The following DOCK4 variants were observed in gnomAD, a reference collection of about 807,000 sequenced individuals.
The protein encoded by DOCK4 is dedicator of cytokinesis 4, also known as dedicator of cytokinesis protein 4.
A neutral mutation model predicts 268.1 loss-of-function variants in DOCK4; 97 were observed. The ratio of observed to expected loss-of-function variants is 0.36; its 90% CI spans 0.31 to 0.43. DOCK4 has a LOEUF of 0.43. Among genes scored for constraint, DOCK4 ranks in the 20% least tolerant of loss-of-function variants. The pLI is 1.00. For missense variants in DOCK4, 2,145 were observed against 2,455.7 expected (o/e 0.87, Z 2.67); for synonymous variants, 954 against 887.2 (o/e 1.08, Z -1.34).
chr7:111,816,333 C>G (rs1390530008), intron 27 of DOCK4, among the ~76,000 whole-genome samples: 1 of 152,180 alleles, frequency 6.6e-6, no homozygotes, highest in Admixed American at 6.5e-5. Context: ...TAGAGTCCAG[C>G]AATTTCCCTA....
chr7:111,856,082 C>G (rs1804986188), intron 23 of DOCK4, among the ~76,000 whole-genome samples: 1 of 152,180 alleles, frequency 6.6e-6, no homozygotes, highest in Non-Finnish European at 1.5e-5. Context: ...TTCCCACTAC[C>G]TTGCAAGCCA....
intron 1 of DOCK4, among the ~76,000 whole-genome samples, chr7:112,168,329 C>T (rs762991431): frequency 8.5e-5 from 13 of 152,158 alleles, no homozygotes; most frequent in Non-Finnish European, 1.6e-4. Context: ...TGTGCTTTCA[C>T]CTGGACATGC....
intron 1 of DOCK4, among the ~76,000 whole-genome samples, chr7:112,077,358 T>C (rs1403409415): frequency 2.6e-5 from 4 of 152,162 alleles, no homozygotes; most frequent in East Asian, 1.9e-4. Flanking sequence ...TTAACTACTA[T>C]GGGAAAGACA....
intron 1 of DOCK4, among the ~76,000 whole-genome samples, chr7:112,005,895 A>T (rs1800820295): frequency 6.6e-6 from 1 of 152,174 alleles, no homozygotes; most frequent in Non-Finnish European, 1.5e-5. Context: ...AGCCCCTGCA[A>T]TCCAGCCTTT....
intron 1 of DOCK4, among the ~76,000 whole-genome samples, chr7:112,114,266 C>A (rs1225741371): frequency 6.6e-6 from 1 of 152,070 alleles, no homozygotes; most frequent in East Asian, 1.9e-4. Context: ...TACAGATCAT[C>A]CAAATGTTGA....
chr7:111,883,105 A>G (rs1807549952), intron 16 of DOCK4, among the ~76,000 whole-genome samples: 1 of 152,208 alleles, frequency 6.6e-6, no homozygotes, highest in Non-Finnish European at 1.5e-5. Context: ...TAATTCATAT[A>G]GACAGAAGAA....
In DOCK4 at chr7:111,809,005, A is replaced by T. The variant is rs549262276; in HGVS notation, c.3108-126T>A. 61 of 1,041,454 alleles carry T rather than the reference A, an allele frequency of 5.9e-5. 1 individual carries two copies. The South Asian group carries it at 8.2e-4, about 14-fold the overall frequency. 64.5% of individuals were successfully genotyped at this position (1,041,454 alleles called of 1,614,324 possible). On this transcript the variant is annotated intron_variant, in intron 29 of 52. Coordinates refer to ENST00000428084, the MANE Select transcript of DOCK4 (RefSeq NM_001363540.2). ...AGGAGTTTTTAATTAAAGACATTTA[A>T]TATACATGTCACGATGCCTCTAAGT... is the stretch of plus-strand genomic sequence containing the variant.
chr7:111,870,948 C>T (rs931140697), intron 20 of DOCK4, among the ~76,000 whole-genome samples: 5 of 152,140 alleles, frequency 3.3e-5, no homozygotes, highest in African/African-American at 7.2e-5. Context: ...ACTATTCCTG[C>T]GGTTGCATTT....
rs994738591 is a variant in DOCK4, at chr7:111,955,110, G to A, written c.702-9312C>T. Among the ~76,000 whole-genome samples the A allele has an allele frequency of 7.2e-5, 11 of 152,278 alleles. No individual in the cohort carries two copies. The East Asian group carries it at 1.7e-3, about 24-fold the overall frequency. On this transcript the variant is annotated intron_variant, in intron 8 of 52. Coordinates refer to ENST00000428084, the MANE Select transcript of DOCK4 (RefSeq NM_001363540.2). ...AATGTACGCCTGGTATCTTAGGGTC[G>A]AAGACTTTTCCCCTCTTCCTCCCAA...
chr7:111,875,646 G>A (rs1420009046), intron 17 of DOCK4, among the ~76,000 whole-genome samples: 3 of 152,220 alleles, frequency 2.0e-5, no homozygotes, highest in Non-Finnish European at 4.4e-5. Context: ...GAGATGTGAA[G>A]ATGCTATGCT....
intron 25 of DOCK4, among the ~76,000 whole-genome samples, chr7:111,838,192 A>G (rs888338633): frequency 1.3e-5 from 2 of 152,090 alleles, no homozygotes; most frequent in African/African-American, 4.8e-5. Context: ...GGGATTAGAA[A>G]TTGAAAGGCT....
chr7:111,934,517 G>GTTTTTT (rs1219563532), intron 12 of DOCK4, among the ~76,000 whole-genome samples: 2 of 89,468 alleles, frequency 2.2e-5, no homozygotes, highest in African/African-American at 9.0e-5. Context: ...GTTTTGTTTT[G>GTTTTTT]TTTTTGTTTT....
chr7:111,999,191 C>A (rs1296716159), intron 3 of DOCK4, among the ~76,000 whole-genome samples: 1 of 151,930 alleles, frequency 6.6e-6, no homozygotes, highest in Non-Finnish European at 1.5e-5. Context: ...CATTAAATGG[C>A]AATTATCCTC....
At chr7:112,028,979 T>C (rs998557913) in intron 1 of DOCK4, among the ~76,000 whole-genome samples, 10 of 152,218 alleles carry the variant, frequency 6.6e-5, no homozygotes, top group African/African-American at 2.4e-4. Context: ...ATAAATCAGA[T>C]ACCCAGTAGT....
At chr7:111,830,357 C>T (rs187262227) in intron 26 of DOCK4, among the ~76,000 whole-genome samples, 38 of 152,142 alleles carry the variant, frequency 2.5e-4, no homozygotes, top group Admixed American at 1.4e-3. Flanking sequence ...ACCTGGGTGA[C>T]GGAGGTTGCA....
intron 25 of DOCK4, among the ~76,000 whole-genome samples, chr7:111,841,892 C>T (rs1338610589): frequency 6.6e-6 from 1 of 152,190 alleles, no homozygotes; most frequent in Non-Finnish European, 1.5e-5. Flanking sequence ...GCACAACAAC[C>T]TTGTACGCTC....
chr7:111,997,687 T>C (rs1418425127), intron 4 of DOCK4, among the ~76,000 whole-genome samples: 1 of 152,240 alleles, frequency 6.6e-6, no homozygotes, highest in African/African-American at 2.4e-5. Flanking sequence ...TGGCTGAATC[T>C]GTATTCTGTT....
chr7:111,990,841 G>C (rs188922835), intron 5 of DOCK4, among the ~76,000 whole-genome samples: 34 of 152,302 alleles, frequency 2.2e-4, no homozygotes, highest in Non-Finnish European at 2.9e-5. Context: ...ATGGCTGTCT[G>C]CCTGTGTATC....
At chr7:112,014,334 T>G (rs1246749667) in intron 1 of DOCK4, among the ~76,000 whole-genome samples, 1 of 152,204 alleles carries the variant, frequency 6.6e-6, no homozygotes, top group Non-Finnish European at 1.5e-5. Flanking sequence ...TCGGTAGGAA[T>G]TTTGTTACCT....
Sources: allele counts gnomAD v4.1 joint callset (sites outside exome capture counted in the v4.1 genomes callset), GRCh38; gene constraint gnomAD v4.1.1; transcripts MANE v1.5; gene names NCBI Gene and HGNC (gene_info 2026-07-23, HGNC 2026-07-21).